Variants in FAM135B observed in about 807,000 individuals in gnomAD.
FAM135B encodes family with sequence similarity 135 member B.
Under a neutral mutation model 127.7 loss-of-function variants are expected in FAM135B, and 43 were observed. The observed-to-expected ratio is 0.34, with a 90% CI of 0.26 to 0.43. The LOEUF is 0.43. Ranked by LOEUF, FAM135B falls within the 20% of genes least tolerant of loss-of-function variation. The pLI is 1.00. For missense variants in FAM135B, 1,558 were observed against 1,725.6 expected (o/e 0.90, Z 1.72); for synonymous variants, 670 against 665.1 (o/e 1.01, Z -0.11).
chr8:138,420,794 C>G (rs1270070605), intron 1 of FAM135B, among the ~76,000 whole-genome samples: 3 of 152,156 alleles, frequency 2.0e-5, no homozygotes, highest in Non-Finnish European at 4.4e-5. Context: ...ATTCAACATC[C>G]CTTTATATTA....
At position 138,132,347 on chromosome 8, in the gene FAM135B, A is replaced by G; in HGVS notation, c.*246T>C. ...TTATTCTCTCATATTTTTCCTAGAA[A>G]ACATCTTGAATGACACTCCAGGTAA... On this transcript the variant is annotated 3_prime_UTR_variant, in exon 20 of 20. Transcript: ENST00000395297. This position sits in a 1 kb window ranked among gnomAD's most constrained non-coding sequence, Gnocchi z 4.5. 1 of 460,966 alleles carries G rather than the reference A, an allele frequency of 2.2e-6. No homozygotes were observed. Among genetic ancestry groups the G allele is most frequent in the South Asian group, 2.8e-5 (1 of 35,830 alleles). 28.6% of individuals were successfully genotyped at this position (460,966 alleles called of 1,614,324 possible).
chr8:138,179,554 C>T (rs979807228), intron 9 of FAM135B, among the ~76,000 whole-genome samples: 2 of 152,134 alleles, frequency 1.3e-5, no homozygotes, highest in African/African-American at 4.8e-5. Context: ...ATGTCACCTT[C>T]GCATAGTAAG....
chr8:138,478,402 C>T (rs1424186081), intron 1 of FAM135B, among the ~76,000 whole-genome samples: 1 of 152,216 alleles, frequency 6.6e-6, no homozygotes, highest in Non-Finnish European at 1.5e-5. Flanking sequence ...CATATTACCT[C>T]CTCTTTAAAG....
rs1484856499 is a variant in FAM135B, at chr8:138,152,544, A to G, written c.1931T>C (p.Leu644Pro). 1 of 1,614,092 alleles carries G rather than the reference A, an allele frequency of 6.2e-7. No individual in the cohort carries two copies. The highest frequency in any genetic ancestry group is 1.6e-4 in the Middle Eastern group (1 of 6,084). Residue 644 changes from leucine (L) to proline (P), a missense_variant, in exon 13 of 20, where the codon CTA becomes CCA. Coordinates refer to ENST00000395297, the MANE Select transcript of FAM135B (RefSeq NM_015912.4). ...KLTPSEPCDPLSSTLREPLDI... is the reference protein window; with the variant it reads ...KLTPSEPCDPPSSTLREPLDI... The stretch of plus-strand genomic sequence containing the variant: ...TAAGGGCTCCCTCAGGGTAGAACTT[A>G]GTGGATCACAGGGCTCAGAGGGGGT...
intron 1 of FAM135B, among the ~76,000 whole-genome samples, chr8:138,412,744 G>A (rs1519392): frequency 0.087 from 13,295 of 152,202 alleles, 990 homozygotes; most frequent in East Asian, 0.26. Context: ...CCTGGAAATG[G>A]CATCCTGAGA....
intron 3 of FAM135B, among the ~76,000 whole-genome samples, chr8:138,279,153 T>C (rs1363430976): frequency 6.6e-6 from 1 of 152,234 alleles, no homozygotes; most frequent in Non-Finnish European, 1.5e-5. Flanking sequence ...AAAGACTGTG[T>C]ATTTTTCCTT....
Position 138,153,050 on chromosome 8 carries a change from T to A in FAM135B, c.1425A>T (p.Glu475Asp), listed in dbSNP as rs200311819. 14 of 1,614,054 alleles carry A rather than the reference T, an allele frequency of 8.7e-6. No homozygotes were observed. The highest frequency in any genetic ancestry group is 1.2e-5 in the Non-Finnish European group (14 of 1,180,018). Residue 475 changes from glutamate (E) to aspartate (D), a missense_variant, in exon 13 of 20, where the codon GAA becomes GAT. Physicochemically the swap from Glu to Asp is conservative, Grantham distance 45 (BLOSUM62 2). Around this residue, in one of 5 missense-constraint regions of FAM135B, gnomAD observed 923 missense variants for 865.3 expected, o/e 1.07. Transcript: ENST00000395297. ...IKPSQMDSDEEVIRCPEPGEN... is the reference protein window; with the variant it reads ...IKPSQMDSDEDVIRCPEPGEN... ...CACCTGGCTCTGGACACCTTATAAC[T>A]TCTTCATCAGAATCCATTTGGGATG...
chr8:138,317,435 T>C (rs1827179326), intron 2 of FAM135B, among the ~76,000 whole-genome samples: 1 of 152,188 alleles, frequency 6.6e-6, no homozygotes, highest in Non-Finnish European at 1.5e-5. Context: ...AAATAATTTG[T>C]ATCCTGACTG....
chr8:138,392,228 C>T (rs1427336666), intron 1 of FAM135B, among the ~76,000 whole-genome samples: 1 of 152,186 alleles, frequency 6.6e-6, no homozygotes, highest in Non-Finnish European at 1.5e-5. Context: ...GGCCCGGGAG[C>T]CCCTCCCACC....
Position 138,243,821 on chromosome 8 carries a change from T to C in FAM135B, c.543-753A>G, listed in dbSNP as rs967844976. On this transcript the variant is annotated intron_variant, in intron 6 of 19. Coordinates refer to ENST00000395297, the MANE Select transcript of FAM135B (RefSeq NM_015912.4). This position sits in a 1 kb window ranked among gnomAD's most constrained non-coding sequence, Gnocchi z 7.5. Reference sequence around the variant, plus strand: ...TTGATATACCAGTAATGTTCACTTATACTCATATTCTTTTTTAGATCTCTT... The same window carrying C: ...TTGATATACCAGTAATGTTCACTTACACTCATATTCTTTTTTAGATCTCTT... Among the ~76,000 whole-genome samples the C allele has an allele frequency of 6.6e-6, 1 of 152,254 alleles. No homozygotes were observed. Among genetic ancestry groups the C allele is most frequent in the Non-Finnish European group, 1.5e-5 (1 of 68,048 alleles).
chr8:138,251,687 C>T (rs994208605), intron 5 of FAM135B, among the ~76,000 whole-genome samples: 2 of 152,152 alleles, frequency 1.3e-5, no homozygotes, highest in Non-Finnish European at 2.9e-5. Flanking sequence ...ATTAAACCAA[C>T]TGGCACACGA....
At chr8:138,365,153 G>C (rs893164091) in intron 2 of FAM135B, among the ~76,000 whole-genome samples, 2 of 152,098 alleles carry the variant, frequency 1.3e-5, no homozygotes, top group African/African-American at 2.4e-5. Context: ...GGCTGATCAC[G>C]TAGCATTTTT....
At position 138,497,208 on chromosome 8, in the gene FAM135B, C is replaced by T. The variant is rs1030672788; in HGVS notation, c.-557G>A. ...CCGGGAGAGCCCGCCCTGCTGCTCCCGCTGGCTCCGCTCCGCAGCCGCTGC... is the reference window on the plus strand; with the variant it reads ...CCGGGAGAGCCCGCCCTGCTGCTCCTGCTGGCTCCGCTCCGCAGCCGCTGC... On this transcript the variant is annotated 5_prime_UTR_variant, in exon 1 of 20. Transcript: ENST00000395297. Among the ~76,000 whole-genome samples the T allele has an allele frequency of 6.6e-6, 1 of 150,928 alleles. No homozygotes were observed. The highest frequency in any genetic ancestry group is 2.4e-5 in the African/African-American group (1 of 41,290).
Position 138,132,902 on chromosome 8 carries a change from G to C in FAM135B, c.4016-104C>G. On this transcript the variant is annotated intron_variant, in intron 19 of 19. Transcript: ENST00000395297. This position sits in a 1 kb window ranked among gnomAD's most constrained non-coding sequence, Gnocchi z 4.5. ...CGAAATTCTGTTCCTGGGCAGACCT[G>C]TTATACAGCAGTTTCCAACCTCTTC... The C allele has an allele frequency of 1.0e-6, 1 of 959,518 alleles. No individual in the cohort carries two copies. The highest frequency in any genetic ancestry group is 1.7e-6 in the Non-Finnish European group (1 of 603,062). 59.4% of individuals were successfully genotyped at this position (959,518 alleles called of 1,614,324 possible). A position where few individuals can be genotyped will look rare whatever the true frequency, so the allele number is the denominator to read the frequency against.
At chr8:138,180,109 G>C (rs1337643716) in intron 9 of FAM135B, among the ~76,000 whole-genome samples, 1 of 152,228 alleles carries the variant, frequency 6.6e-6, no homozygotes, top group Non-Finnish European at 1.5e-5. Context: ...TTAATACCAG[G>C]AGAACCATCT....
intron 3 of FAM135B, among the ~76,000 whole-genome samples, chr8:138,278,630 C>A (rs1003059830): frequency 7.9e-6 from 1 of 127,322 alleles, no homozygotes; most frequent in African/African-American, 3.0e-5. Flanking sequence ...GTGGCACCAT[C>A]TTGGCTCACT....
chr8:138,428,228 A>C (rs1835005816), intron 1 of FAM135B, among the ~76,000 whole-genome samples: 1 of 152,226 alleles, frequency 6.6e-6, no homozygotes, highest in South Asian at 2.1e-4. Context: ...TTTAAATAAG[A>C]AAATGAAGTC....
chr8:138,280,529 C>A (rs1471160419), intron 3 of FAM135B, among the ~76,000 whole-genome samples: 1 of 152,174 alleles, frequency 6.6e-6, no homozygotes, highest in Non-Finnish European at 1.5e-5. Context: ...CATTCCTCCA[C>A]CTTCCTCATC....
rs1189382437 is a variant in FAM135B at position 138,412,480 on chromosome 8, T to A, written c.-19-44478A>T. Among the ~76,000 whole-genome samples, 2 of 152,190 alleles carry A rather than the reference T, an allele frequency of 1.3e-5. 1 individual carries two copies. The highest frequency in any genetic ancestry group is 4.8e-5 in the African/African-American group (2 of 41,450). ...CATCAGATTCTTCCAACACACTTCTTCAGGTCCTCTGGGACTCACCTGGCT... is the reference window on the plus strand; with the variant it reads ...CATCAGATTCTTCCAACACACTTCTACAGGTCCTCTGGGACTCACCTGGCT... On this transcript the variant is annotated intron_variant, in intron 1 of 19. Coordinates refer to ENST00000395297, the MANE Select transcript of FAM135B (RefSeq NM_015912.4).
Sources: allele counts gnomAD v4.1 joint callset (sites outside exome capture counted in the v4.1 genomes callset), GRCh38; gene constraint gnomAD v4.1.1; regional missense constraint gnomAD v4.1.1; non-coding constraint Gnocchi (gnomAD v3.1); transcripts MANE v1.5; gene names NCBI Gene and HGNC (gene_info 2026-07-23, HGNC 2026-07-21).